GNB5: variants seen among roughly 807,000 people sequenced by gnomAD.
GNB5 encodes the protein guanine nucleotide-binding protein subunit beta-5.
GNB5 carries 37 observed loss-of-function variants against 55.3 expected under a neutral mutation model. The ratio of observed to expected loss-of-function variants is 0.67; its 90% CI spans 0.51 to 0.88. The LOEUF (loss-of-function observed/expected upper bound fraction) is 0.88, where lower values mean the gene tolerates loss of function less well. Ranked by LOEUF, GNB5 falls within the 40% of genes least tolerant of loss-of-function variation. GNB5 has a pLI of 0.00. For missense variants in GNB5, 476 were observed against 515.3 expected (o/e 0.92, Z 0.74); for synonymous variants, 219 against 198.5 (o/e 1.10, Z -0.87).
intron 3 of GNB5, among the ~76,000 whole-genome samples, chr15:52,173,567 G>A (rs182770243): frequency 3.3e-5 from 5 of 152,338 alleles, no homozygotes; most frequent in East Asian, 1.9e-4. Flanking sequence ...TGTGACTGGC[G>A]ATAGTGAGCA....
Position 52,133,359 on chromosome 15 carries a change from G to T in GNB5, c.863+19C>A. On this transcript the variant is annotated intron_variant, in intron 9 of 12. Transcript: ENST00000261837. The stretch of plus-strand genomic sequence containing the variant: ...TGCCGGCAGAACAGAGAGGTGGCAT[G>T]AACATTCTACTCACTGACCGGACAC... 1 of 1,503,046 alleles carries T rather than the reference G, an allele frequency of 6.7e-7. No individual in the cohort carries two copies. The highest frequency in any genetic ancestry group is 9.3e-7 in the Non-Finnish European group (1 of 1,078,586). The allele number at this position is 1,503,046 out of a possible 1,614,324, so 93.1% of individuals were successfully genotyped here.
intron 4 of GNB5, among the ~76,000 whole-genome samples, chr15:52,151,860 CT>C (rs2034103316): frequency 6.6e-6 from 1 of 151,928 alleles, no homozygotes; most frequent in Non-Finnish European, 1.5e-5. Context: ...AATCTCAGTG[CT>C]TTCAGAGGCT....
chr15:52,119,077 A>T lies in GNB5; in HGVS notation c.*3680T>A, dbSNP rs1208298516. On this transcript the variant is annotated 3_prime_UTR_variant, in exon 13 of 13. Transcript: ENST00000261837. ...TGGGGAGAAAAGGAAGTGCTGGGGG[A>T]AGGGGAATGGGAAGGGAGGAGGAGG... 6 of 131,796 alleles carry T rather than the reference A, an allele frequency of 4.6e-5. No homozygotes were observed. Among genetic ancestry groups the T allele is most frequent in the African/African-American group, 1.5e-4 (5 of 32,296 alleles). 8.2% of individuals were successfully genotyped at this position (131,796 alleles called of 1,614,324 possible).
chr15:52,130,653 G>C (rs1259848118), intron 9 of GNB5, among the ~76,000 whole-genome samples: 1 of 152,224 alleles, frequency 6.6e-6, no homozygotes, highest in Non-Finnish European at 1.5e-5. Flanking sequence ...AGATCGATGA[G>C]TAAACTGGCC....
Position 52,131,279 on chromosome 15 carries a change from A to T in GNB5, c.863+2099T>A, listed in dbSNP as rs184132957. On this transcript the variant is annotated intron_variant, in intron 9 of 12. Transcript: ENST00000261837. Reference sequence around the variant, plus strand: ...TTTTTCTTGTCATTATTCTCCAAACAATACAGTCTAATAACTATTTACATC... The same window carrying T: ...TTTTTCTTGTCATTATTCTCCAAACTATACAGTCTAATAACTATTTACATC... Among the ~76,000 whole-genome samples, 5 of 152,320 alleles carry T rather than the reference A, an allele frequency of 3.3e-5. No homozygotes were observed. In the East Asian group the frequency reaches 7.7e-4, roughly 23 times the overall value.
In GNB5 at chr15:52,175,582, T is replaced by C. The variant is rs576581717; in HGVS notation, c.238+4186A>G. Among the ~76,000 whole-genome samples the C allele has an allele frequency of 5.3e-5, 8 of 151,460 alleles. No homozygotes were observed. In the South Asian group the frequency reaches 1.7e-3, roughly 32 times the overall value. On this transcript the variant is annotated intron_variant, in intron 3 of 12. Transcript: ENST00000261837. ...GGTGAAACCCGGTCTCCACTAAAAA[T>C]ACAAAAATTAGCCAGGCATGGTGGC...
chr15:52,186,485 G>T (rs1031899081), intron 1 of GNB5, among the ~76,000 whole-genome samples: 2 of 152,186 alleles, frequency 1.3e-5, no homozygotes, highest in Non-Finnish European at 2.9e-5. Flanking sequence ...GATTTGGCAT[G>T]TGGAGTTGAG....
intron 1 of GNB5, 46 bp from the exon 2 acceptor site, chr15:52,184,740 G>C (rs111880675): frequency 1.4e-5 from 21 of 1,522,218 alleles, no homozygotes; most frequent in African/African-American, 9.7e-5. Flanking sequence ...AAAAGCCAAT[G>C]GTTTTAACTT....
At chr15:52,128,461 T>A in intron 9 of GNB5, 1 of 617,598 alleles carries the variant, frequency 1.6e-6, no homozygotes. Context: ...CAGAGTGAGA[T>A]AATATGTGTT....
Position 52,135,745 on chromosome 15 carries a change from C to A in GNB5, c.639G>T (p.Ala213=). 1 of 1,612,344 alleles carries A rather than the reference C, an allele frequency of 6.2e-7. No homozygotes were observed. Among genetic ancestry groups the A allele is most frequent in the South Asian group, 1.1e-5 (1 of 90,992 alleles). The part of the protein sequence containing the change: ...FTNSDMQILT[A]SGDGTCALWD... ...ACAGGGCACATGTGCCATCGCCGCT[C>A]GCTGTCAGGATCTGCCCGCAGAAAA... The change falls in exon 8 of 13, where the codon GCG becomes GCT. Residue 213 remains alanine (A), a synonymous_variant. Coordinates refer to ENST00000261837, the MANE Select transcript of GNB5 (RefSeq NM_016194.4).
At chr15:52,125,714 C>A (rs1596052001) in intron 11 of GNB5, 2 of 402,248 alleles carry the variant, frequency 5.0e-6, no homozygotes, top group East Asian at 3.9e-5. Context: ...CCTTGAAGGA[C>A]AGCATTAGGT....
At chr15:52,185,286 G>A (rs1041491383) in intron 1 of GNB5, among the ~76,000 whole-genome samples, 1 of 152,246 alleles carries the variant, frequency 6.6e-6, no homozygotes, top group South Asian at 2.1e-4. Flanking sequence ...TGGTTACAGG[G>A]ACAGGCTCTG....
At chr15:52,148,801 TG>T (rs1192707046) in intron 5 of GNB5, among the ~76,000 whole-genome samples, 8 of 152,206 alleles carry the variant, frequency 5.3e-5, no homozygotes, top group Admixed American at 3.3e-4. Context: ...AATAATCTAC[TG>T]CTCTCCAGAG....
chr15:52,164,308 TAAAAAAAAAAAA>T (rs56029917), intron 3 of GNB5, among the ~76,000 whole-genome samples: 3 of 50,420 alleles, frequency 6.0e-5, no homozygotes, highest in Non-Finnish European at 7.8e-5. Flanking sequence ...GACTCTGTCT[TAAAAAAAAAAAA>T]AAAAAAAAAA....
At chr15:52,163,941 C>A (rs916547239) in intron 3 of GNB5, among the ~76,000 whole-genome samples, 1 of 152,094 alleles carries the variant, frequency 6.6e-6, no homozygotes, top group African/African-American at 2.4e-5. Flanking sequence ...AGGAGGGACC[C>A]AGGCAATAAG....
intron 3 of GNB5, among the ~76,000 whole-genome samples, chr15:52,161,859 CG>C (rs1333907013): frequency 6.6e-6 from 1 of 152,158 alleles, no homozygotes; most frequent in African/African-American, 2.4e-5. Flanking sequence ...CCATGTGGAC[CG>C]GTAGTCTTCA....
At position 52,120,431 on chromosome 15, in the gene GNB5, T is replaced by C. The variant is rs117857209; in HGVS notation, c.*2326A>G. On this transcript the variant is annotated 3_prime_UTR_variant, in exon 13 of 13. Transcript: ENST00000261837. ...CTGCCCATGCGGGGAGTGGAAGCATTCTCTGGAATACTTTCCCTGGGCCCT... is the reference window on the plus strand; with the variant it reads ...CTGCCCATGCGGGGAGTGGAAGCATCCTCTGGAATACTTTCCCTGGGCCCT... 6.6e-6 allele frequency: 1 copy of C among 152,188 alleles called. No individual in the cohort carries two copies. The highest frequency in any genetic ancestry group is 1.5e-5 in the Non-Finnish European group (1 of 68,044). The allele number at this position is 152,188 out of a possible 1,614,324, so 9.4% of individuals were successfully genotyped here. A position where few individuals can be genotyped will look rare whatever the true frequency, so the allele number is the denominator to read the frequency against.
chr15:52,165,497 AC>A (rs1258754374), intron 3 of GNB5, among the ~76,000 whole-genome samples: 2 of 152,112 alleles, frequency 1.3e-5, no homozygotes, highest in African/African-American at 4.8e-5. Context: ...CTAACAGCAG[AC>A]CTCTCAGTGG....
intron 3 of GNB5, among the ~76,000 whole-genome samples, chr15:52,170,795 T>G (rs2034540324): frequency 6.6e-6 from 1 of 151,662 alleles, no homozygotes; most frequent in East Asian, 1.9e-4. Context: ...TTGTCAGAGA[T>G]TTGTGAATTG....
Sources: allele counts gnomAD v4.1 joint callset (sites outside exome capture counted in the v4.1 genomes callset), GRCh38; gene constraint gnomAD v4.1.1; transcripts MANE v1.5; gene names NCBI Gene and HGNC (gene_info 2026-07-23, HGNC 2026-07-21).